KCNB2: variants seen among roughly 807,000 people sequenced by gnomAD.
The protein encoded by KCNB2 is potassium voltage-gated channel subfamily B member 2.
A neutral mutation model predicts 61.5 loss-of-function variants in KCNB2; 15 were observed. That is an observed-to-expected ratio of 0.24 (90% CI 0.16 to 0.38). The LOEUF (loss-of-function observed/expected upper bound fraction) is 0.38. Ranked by LOEUF, KCNB2 falls within the 10% of genes least tolerant of loss-of-function variation. The pLI is 1.00. For missense variants in KCNB2, 828 were observed against 1,125.2 expected, an observed-to-expected ratio of 0.74 and a Z score of 3.78; for synonymous variants, 457 against 446.0, an observed-to-expected ratio of 1.02 and a Z score of -0.31.
At chr8:72,758,527 G>A (rs530351590) in intron 2 of KCNB2, among the ~76,000 whole-genome samples, 2 of 152,144 alleles carry the variant, frequency 1.3e-5, no homozygotes, top group Non-Finnish European at 2.9e-5. Flanking sequence ...ATTAATCCAA[G>A]CCTGTTTTTA....
chr8:72,718,266 G>A (rs181726793), intron 2 of KCNB2, among the ~76,000 whole-genome samples: 2,824 of 152,236 alleles, frequency 0.019, 68 homozygotes, highest in African/African-American at 0.062. Context: ...GGATTCCTCA[G>A]GGATCTAGAA....
chr8:72,803,281 C>T lies in KCNB2; in HGVS notation c.580-132654C>T, dbSNP rs1300173286. Among the ~76,000 whole-genome samples, 3 of 152,264 alleles carry T rather than the reference C, an allele frequency of 2.0e-5. No individual in the cohort carries two copies. In the South Asian group the frequency reaches 6.2e-4, roughly 32 times the overall value. On this transcript the variant is annotated intron_variant, in intron 2 of 2. Transcript: ENST00000523207. ...TGTCTGTTGTGGACACAGCAGTCCA[C>T]CCTCCATAACTTTCCCTGTATTGCC...
At chr8:72,703,298 A>G (rs1392851098) in intron 2 of KCNB2, among the ~76,000 whole-genome samples, 1 of 152,192 alleles carries the variant, frequency 6.6e-6, no homozygotes, top group African/African-American at 2.4e-5. Context: ...CCTCTCAAAG[A>G]TGGAGATTGG....
intron 2 of KCNB2, among the ~76,000 whole-genome samples, chr8:72,610,651 A>G (rs1447968675): frequency 6.6e-6 from 1 of 152,184 alleles, no homozygotes; most frequent in Non-Finnish European, 1.5e-5. Flanking sequence ...AATCCTCACA[A>G]CTGACTCTAT....
At chr8:72,538,241 T>G (rs1286191811) in intron 1 of KCNB2, among the ~76,000 whole-genome samples, 2 of 152,142 alleles carry the variant, frequency 1.3e-5, no homozygotes, top group African/African-American at 4.8e-5. Context: ...GTGATGTCTC[T>G]GATGTATGAA....
rs78957707 is a variant in KCNB2, at chr8:72,627,715, A to C, written c.579+59402A>C. Among the ~76,000 whole-genome samples the C allele has an allele frequency of 1.8e-3, 268 of 152,298 alleles. 6 individuals are homozygous for C. The East Asian group carries it at 0.047, about 27-fold the overall frequency. The stretch of plus-strand genomic sequence containing the variant: ...CATGTGCTTTGAGCCGCACCCATCC[A>C]CATCTGGTGTTAGAACTTTCCTTCT... On this transcript the variant is annotated intron_variant, in intron 2 of 2. Transcript: ENST00000523207.
intron 2 of KCNB2, among the ~76,000 whole-genome samples, chr8:72,896,624 G>C (rs780902028): frequency 2.6e-5 from 4 of 152,030 alleles, no homozygotes; most frequent in Non-Finnish European, 5.9e-5. Context: ...CAAATATCAG[G>C]CTTCTTAGTG....
chr8:72,934,029 G>A (rs1231545113), intron 2 of KCNB2, among the ~76,000 whole-genome samples: 1 of 152,050 alleles, frequency 6.6e-6, no homozygotes, highest in Non-Finnish European at 1.5e-5. Context: ...GCATTATACT[G>A]TTGTTTCACT....
In KCNB2 at chr8:72,772,390, T is replaced by C. The variant is rs577488330; in HGVS notation, c.580-163545T>C. Among the ~76,000 whole-genome samples the C allele has an allele frequency of 1.6e-4, 24 of 152,294 alleles. No homozygotes were observed. The South Asian group carries it at 4.8e-3, about 30-fold the overall frequency. On this transcript the variant is annotated intron_variant, in intron 2 of 2. Coordinates refer to ENST00000523207, the MANE Select transcript of KCNB2 (RefSeq NM_004770.3). The stretch of plus-strand genomic sequence containing the variant: ...GTCATGACAATCAAATTGTCTCCAA[T>C]TGGTTAAATCAGTCATTGCTAAATA...
chr8:72,864,341 C>A (rs931118856), intron 2 of KCNB2, among the ~76,000 whole-genome samples: 4 of 152,146 alleles, frequency 2.6e-5, no homozygotes, highest in Non-Finnish European at 5.9e-5. Context: ...CTAAATAGAT[C>A]TATGAAAATG....
Position 72,710,964 on chromosome 8 carries a change from T to A in KCNB2, c.579+142651T>A, listed in dbSNP as rs1807316332. 1.3e-5 allele frequency among the ~76,000 whole-genome samples: 2 copies of A among 152,214 alleles called. 1 individual carries two copies. Among genetic ancestry groups the A allele is most frequent in the South Asian group, 4.1e-4 (2 of 4,828 alleles). On this transcript the variant is annotated intron_variant, in intron 2 of 2. Coordinates refer to ENST00000523207, the MANE Select transcript of KCNB2 (RefSeq NM_004770.3). ...ACTTCATCGATCAACATAGGCTAAG[T>A]TATGCTAGTGACAAACAATACCAAA... is the stretch of plus-strand genomic sequence containing the variant.
chr8:72,557,363 G>GA (rs973117955), intron 1 of KCNB2, among the ~76,000 whole-genome samples: 20 of 151,318 alleles, frequency 1.3e-4, no homozygotes, highest in Middle Eastern at 3.4e-3. Context: ...ATATTTTGAA[G>GA]AAAAAAATGG....
intron 2 of KCNB2, among the ~76,000 whole-genome samples, chr8:72,844,747 T>A (rs987279234): frequency 2.0e-5 from 3 of 152,252 alleles, no homozygotes; most frequent in Non-Finnish European, 4.4e-5. Context: ...GATGCTTGTG[T>A]ATGCTTCATG....
intron 2 of KCNB2, among the ~76,000 whole-genome samples, chr8:72,851,954 G>A (rs1415298618): frequency 6.6e-5 from 10 of 151,520 alleles, no homozygotes; most frequent in Admixed American, 4.6e-4. Context: ...GGCACATAGA[G>A]GCTGGGCGTG....
At chr8:72,872,888 T>C (rs930909705) in intron 2 of KCNB2, among the ~76,000 whole-genome samples, 1 of 152,238 alleles carries the variant, frequency 6.6e-6, no homozygotes, top group African/African-American at 2.4e-5. Flanking sequence ...CCTACTATCC[T>C]GAATCTCCTC....
intron 2 of KCNB2, among the ~76,000 whole-genome samples, chr8:72,642,517 C>G (rs930966876): frequency 6.6e-6 from 1 of 152,160 alleles, no homozygotes; most frequent in African/African-American, 2.4e-5. Flanking sequence ...GAAAGGGACA[C>G]AGTACCTTAC....
At chr8:72,741,304 G>T (rs759939131) in intron 2 of KCNB2, among the ~76,000 whole-genome samples, 1 of 152,094 alleles carries the variant, frequency 6.6e-6, no homozygotes, top group Non-Finnish European at 1.5e-5. Context: ...ATCTCCTTCT[G>T]CCCTGTTACC....
At chr8:72,741,956 G>A (rs1419524756) in intron 2 of KCNB2, among the ~76,000 whole-genome samples, 2 of 152,166 alleles carry the variant, frequency 1.3e-5, no homozygotes, top group South Asian at 2.1e-4. Flanking sequence ...TCTGAAAGTA[G>A]AACTACCATT....
chr8:72,724,525 C>T (rs938944667), intron 2 of KCNB2, among the ~76,000 whole-genome samples: 1 of 152,050 alleles, frequency 6.6e-6, no homozygotes, highest in Non-Finnish European at 1.5e-5. Context: ...ATTTCTTTTC[C>T]GGCCATATCA....
Sources: gnomAD v4.1 joint callset for allele counts (sites outside exome capture counted in the v4.1 genomes callset) on GRCh38, gnomAD v4.1.1 for gene constraint, MANE v1.5 for transcripts, NCBI Gene and HGNC (gene_info 2026-07-23, HGNC 2026-07-21) for gene names.